Variants in ASIC2 observed in about 807,000 individuals in gnomAD.
ASIC2 encodes acid-sensing ion channel 2.
Under a neutral mutation model 57.3 loss-of-function variants are expected in ASIC2, and 25 were observed. That is an observed-to-expected ratio of 0.44 (90% CI 0.32 to 0.61). The LOEUF (loss-of-function observed/expected upper bound fraction) is 0.61, where lower values mean the gene tolerates loss of function less well. ASIC2 is among the 20% of genes least tolerant of loss of function. The probability of loss-of-function intolerance (pLI) is 0.06; values close to 1 mark genes in which losing one functional copy is unlikely to be tolerated. For synonymous variants in ASIC2, 319 were observed against 307.5 expected, an observed-to-expected ratio of 1.04 and a Z score of -0.39; for missense variants, 641 against 738.1, an observed-to-expected ratio of 0.87 and a Z score of 1.52.
intron 1 of ASIC2, among the ~76,000 whole-genome samples, chr17:33,986,802 G>C (rs1356337416): frequency 1.3e-5 from 2 of 152,138 alleles, no homozygotes; most frequent in African/African-American, 4.8e-5. Flanking sequence ...GGGAGATTAA[G>C]TAGCTTACAG....
intron 3 of ASIC2, among the ~76,000 whole-genome samples, chr17:33,074,062 T>G (rs2092079878): frequency 1.3e-5 from 2 of 152,136 alleles, no homozygotes; most frequent in Non-Finnish European, 2.9e-5. Flanking sequence ...AACCACTGCC[T>G]TTGGCTCTAG....
intron 1 of ASIC2, among the ~76,000 whole-genome samples, chr17:33,759,794 A>T (rs1034725521): frequency 6.6e-6 from 1 of 152,172 alleles, no homozygotes; most frequent in African/African-American, 2.4e-5. Flanking sequence ...GTACAAGTCC[A>T]TGTGGTGCTA....
intron 1 of ASIC2, among the ~76,000 whole-genome samples, chr17:33,130,157 T>C (rs181714125): frequency 1.1e-4 from 17 of 152,292 alleles, no homozygotes; most frequent in East Asian, 1.9e-4. Flanking sequence ...CTGAGGTTAA[T>C]AGGGGTTCAG....
intron 1 of ASIC2, among the ~76,000 whole-genome samples, chr17:33,622,533 CTT>C (rs1905834770): frequency 6.6e-6 from 1 of 152,130 alleles, no homozygotes; most frequent in East Asian, 1.9e-4. Context: ...GAGGAAATAA[CTT>C]GGGTTTTGCT....
chr17:34,011,144 C>T (rs1906740177), intron 1 of ASIC2, among the ~76,000 whole-genome samples: 1 of 152,204 alleles, frequency 6.6e-6, no homozygotes, highest in African/African-American at 2.4e-5. Context: ...CACACACACA[C>T]ACATAGACAC....
At position 33,387,181 on chromosome 17, in the gene ASIC2, C is replaced by T. The variant is rs765215927; in HGVS notation, c.556-275114G>A. Among the ~76,000 whole-genome samples the T allele has an allele frequency of 2.6e-5, 4 of 152,160 alleles. No homozygotes were observed. The East Asian group carries it at 5.8e-4, about 22-fold the overall frequency. ...GGAATTACAGGTGTGAGCCACTGCA[C>T]CTGGTCATTTACATGCATTCTTTCA... On this transcript the variant is annotated intron_variant, in intron 1 of 9. Transcript: ENST00000359872.
intron 1 of ASIC2, among the ~76,000 whole-genome samples, chr17:33,381,702 G>A (rs994860161): frequency 6.6e-6 from 1 of 152,208 alleles, no homozygotes; most frequent in Non-Finnish European, 1.5e-5. Context: ...CAGGGTAGGT[G>A]CTCAAAATAT....
chr17:33,321,340 G>A (rs1441854473), intron 1 of ASIC2, among the ~76,000 whole-genome samples: 6 of 152,254 alleles, frequency 3.9e-5, no homozygotes, highest in African/African-American at 1.2e-4. Context: ...AGATAGAGGG[G>A]ACCATTTAAG....
chr17:33,766,730 A>G (rs181086445), intron 1 of ASIC2, among the ~76,000 whole-genome samples: 42 of 152,252 alleles, frequency 2.8e-4, no homozygotes, highest in African/African-American at 9.9e-4. Flanking sequence ...ATGAAGCTGT[A>G]TGCTGAGAGT....
chr17:33,826,948 C>T (rs1015877717), intron 1 of ASIC2, among the ~76,000 whole-genome samples: 2 of 152,034 alleles, frequency 1.3e-5, no homozygotes. Context: ...AATGGAGAAA[C>T]CTTTATGTAT....
intron 1 of ASIC2, among the ~76,000 whole-genome samples, chr17:33,808,674 CTCTCTGAG>C (rs1200235881): frequency 6.6e-6 from 1 of 152,186 alleles, no homozygotes; most frequent in East Asian, 1.9e-4. Context: ...CATCATTAAC[CTCTCTGAG>C]TCTCTGTTTT....
At chr17:34,037,803 C>T (rs1907949410) in intron 1 of ASIC2, 4 of 1,614,220 alleles carry the variant, frequency 2.5e-6, no homozygotes, top group Admixed American at 1.7e-5. Flanking sequence ...GCCTTTGCTT[C>T]AGGTGTTACT....
At chr17:33,695,132 T>G (rs2142065919) in intron 1 of ASIC2, among the ~76,000 whole-genome samples, 1 of 152,368 alleles carries the variant, frequency 6.6e-6, no homozygotes, top group South Asian at 2.1e-4. Context: ...GCTATTATAA[T>G]TTAAACACTG....
intron 1 of ASIC2, among the ~76,000 whole-genome samples, chr17:34,064,406 C>T (rs997876585): frequency 6.6e-6 from 1 of 152,138 alleles, no homozygotes; most frequent in East Asian, 1.9e-4. Flanking sequence ...AAACCTAAGA[C>T]CTGAAACTGT....
intron 1 of ASIC2, among the ~76,000 whole-genome samples, chr17:33,239,504 T>C (rs1465439776): frequency 6.6e-6 from 1 of 152,216 alleles, no homozygotes; most frequent in African/African-American, 2.4e-5. Flanking sequence ...ACAGAGAATT[T>C]GTTTTTTGTC....
chr17:33,999,490 G>T (rs1408392672), intron 1 of ASIC2, among the ~76,000 whole-genome samples: 1 of 152,118 alleles, frequency 6.6e-6, no homozygotes, highest in East Asian at 1.9e-4. Flanking sequence ...TTTCATAGTT[G>T]CATGCTAGGA....
At chr17:33,211,590 A>T (rs1424894588) in intron 1 of ASIC2, among the ~76,000 whole-genome samples, 1 of 151,700 alleles carries the variant, frequency 6.6e-6, no homozygotes, top group Non-Finnish European at 1.5e-5. Flanking sequence ...GATTCTCAGC[A>T]GGGAAACAGG....
rs74899990 is a variant in ASIC2 at position 33,493,917 on chromosome 17, C to T, written c.556-381850G>A. 5.2e-3 allele frequency among the ~76,000 whole-genome samples: 797 copies of T among 152,344 alleles called. 20 individuals are homozygous for T. The highest frequency in any genetic ancestry group is 0.04 in the Admixed American group (607 of 15,308). ...CAAATGTACCCTATACAATGCTGTT[C>T]TGGCTCCCACTGACTACCCTCTGTA... On this transcript the variant is annotated intron_variant, in intron 1 of 9. Transcript: ENST00000359872.
At chr17:33,713,552 G>A (rs577727666) in intron 1 of ASIC2, among the ~76,000 whole-genome samples, 1 of 152,304 alleles carries the variant, frequency 6.6e-6, no homozygotes, top group East Asian at 1.9e-4. Flanking sequence ...CCCTCTCCTT[G>A]TAAGGACACC....
Sources: gnomAD v4.1 joint callset for allele counts (sites outside exome capture counted in the v4.1 genomes callset) on GRCh38, gnomAD v4.1.1 for gene constraint, MANE v1.5 for transcripts, NCBI Gene and HGNC (gene_info 2026-07-23, HGNC 2026-07-21) for gene names.